Variants in ZDHHC5 observed in about 807,000 individuals in gnomAD.
ZDHHC5 encodes the protein palmitoyltransferase ZDHHC5.
Under a neutral mutation model 70.0 loss-of-function variants are expected in ZDHHC5, and 22 were observed. That is an observed-to-expected ratio of 0.31 (90% CI 0.22 to 0.45). ZDHHC5 has a LOEUF of 0.45. Ranked by LOEUF, ZDHHC5 falls within the 20% of genes least tolerant of loss-of-function variation. The pLI, the probability that ZDHHC5 is intolerant of heterozygous loss-of-function variation, is 1.00. For missense variants in ZDHHC5, 746 were observed against 926.9 expected, an observed-to-expected ratio of 0.80 and a Z score of 2.53; for synonymous variants, 313 against 347.8, an observed-to-expected ratio of 0.90 and a Z score of 1.11.
chr11:57,671,342 G>A (rs1253612662), intron 1 of ZDHHC5, among the ~76,000 whole-genome samples: 3 of 152,200 alleles, frequency 2.0e-5, no homozygotes, highest in Non-Finnish European at 1.5e-5. Flanking sequence ...ATTGGGGCAG[G>A]TGGGGCTCAG....
rs552087114 is a variant in ZDHHC5 at position 57,687,049 on chromosome 11, T to C, written c.227-1459T>C. On this transcript the variant is annotated intron_variant, in intron 3 of 11. Transcript: ENST00000287169. ...TTTCGCCATTTTGGCCAGGCTGGTC[T>C]TGAACTCCTGGCCTCAAGTCATCTG... Among the ~76,000 whole-genome samples, 18 of 152,224 alleles carry C rather than the reference T, an allele frequency of 1.2e-4. No homozygotes were observed. The East Asian group carries it at 2.9e-3, about 25-fold the overall frequency.
At position 57,669,580 on chromosome 11, in the gene ZDHHC5, C is replaced by G. The variant is rs549258009; in HGVS notation, c.-1071+1393C>G. On this transcript the variant is annotated intron_variant, in intron 1 of 11. Coordinates refer to ENST00000287169, the MANE Select transcript of ZDHHC5 (RefSeq NM_015457.3). ...CAAGCGATTCTCGTGTCTCAGCCTC[C>G]CTAGTAGCTGGGATTTCAGGCATGC... is the stretch of plus-strand genomic sequence containing the variant. Among the ~76,000 whole-genome samples the G allele has an allele frequency of 5.3e-5, 8 of 152,276 alleles. No individual in the cohort carries two copies. The East Asian group carries it at 1.5e-3, about 29-fold the overall frequency.
chr11:57,690,470 A>G, intron 6 of ZDHHC5, 33 bp downstream of exon 6: 1 of 1,609,100 alleles, frequency 6.2e-7, no homozygotes. Flanking sequence ...ACCCCTGAAG[A>G]GCAGGTCATG....
chr11:57,683,407 A>G lies in ZDHHC5; in HGVS notation c.226+864A>G, dbSNP rs142747946. ...TACAGATTTTTTAGTAGTAGACTCA[A>G]TAATTTTTCATGACTTTTCATGATT... is the stretch of plus-strand genomic sequence containing the variant. On this transcript the variant is annotated intron_variant, in intron 3 of 11. Coordinates refer to ENST00000287169, the MANE Select transcript of ZDHHC5 (RefSeq NM_015457.3). Among the ~76,000 whole-genome samples the G allele has an allele frequency of 2.0e-5, 3 of 152,364 alleles. 1 individual carries two copies. The East Asian group carries it at 5.8e-4, about 29-fold the overall frequency.
At position 57,696,886 on chromosome 11, in the gene ZDHHC5, C is replaced by CTAAG; in HGVS notation, c.1122+14_1122+17dup. ...CTCCAGCGCCAAGGTACTGAGTACT[C>CTAAG]TAAGAGGTGGGGTAATAACATGCCA... On this transcript the variant is annotated intron_variant, in intron 10 of 11. Coordinates refer to ENST00000287169, the MANE Select transcript of ZDHHC5 (RefSeq NM_015457.3). 6.2e-7 allele frequency: 1 copy of CTAAG among 1,612,604 alleles called. No individual in the cohort carries two copies. Among genetic ancestry groups the CTAAG allele is most frequent in the Non-Finnish European group, 8.5e-7 (1 of 1,179,192 alleles).
At position 57,699,746 on chromosome 11, in the gene ZDHHC5, G is replaced by T. The variant is rs1256687354; in HGVS notation, c.1983-120G>T. On this transcript the variant is annotated intron_variant, in intron 11 of 11. Coordinates refer to ENST00000287169, the MANE Select transcript of ZDHHC5 (RefSeq NM_015457.3). ...CAGGGCAATAAAGGGGAATGTTTGG[G>T]TAAGAAAGTATGGATATAGAAAAGA... 2.3e-6 allele frequency: 3 copies of T among 1,323,476 alleles called. No homozygotes were observed. The Admixed American group carries it at 5.9e-5, about 26-fold the overall frequency. 82.0% of individuals were successfully genotyped at this position (1,323,476 alleles called of 1,614,324 possible). A position where few individuals can be genotyped will look rare whatever the true frequency, so the allele number is the denominator to read the frequency against.
chr11:57,692,774 A>G, intron 7 of ZDHHC5, 72 bp downstream of exon 7: 2 of 1,525,044 alleles, frequency 1.3e-6, no homozygotes, highest in Non-Finnish European at 1.8e-6. Context: ...TGTTCTGGTA[A>G]AGGAGGGGTC....
intron 2 of ZDHHC5, 118 bp from the exon 3 acceptor site, chr11:57,682,304 G>T: frequency 7.3e-7 from 1 of 1,378,284 alleles, no homozygotes; most frequent in Non-Finnish European, 9.6e-7. Context: ...GGATGGCAAA[G>T]GTAAACCACA....
intron 10 of ZDHHC5, among the ~76,000 whole-genome samples, chr11:57,697,995 G>A (rs985847585): frequency 2.0e-5 from 3 of 151,844 alleles, no homozygotes; most frequent in African/African-American, 4.8e-5. Context: ...TTAGCTGGGC[G>A]TGGTGGCGGG....
chr11:57,676,834 A>C lies in ZDHHC5; in HGVS notation c.104+3640A>C, dbSNP rs191490963. Among the ~76,000 whole-genome samples, 1,321 of 150,624 alleles carry C rather than the reference A, an allele frequency of 8.8e-3. 28 individuals are homozygous for C. The highest frequency in any genetic ancestry group is 0.03 in the African/African-American group (1,217 of 40,994). On this transcript the variant is annotated intron_variant, in intron 2 of 11. Transcript: ENST00000287169. ...TTAAAGTCTCATCAAACTGTGAATT[A>C]GTCCAGTTAAGGTCTTATTTTATCC...
chr11:57,693,185 T>C (rs1946307586), intron 7 of ZDHHC5, among the ~76,000 whole-genome samples: 1 of 152,118 alleles, frequency 6.6e-6, no homozygotes, highest in Non-Finnish European at 1.5e-5. Flanking sequence ...CAGGCACCTG[T>C]AATCCCAGCT....
At chr11:57,670,795 T>C (rs1033624594) in intron 1 of ZDHHC5, among the ~76,000 whole-genome samples, 3 of 151,286 alleles carry the variant, frequency 2.0e-5, no homozygotes, top group Admixed American at 6.6e-5. Context: ...AGGGCACATT[T>C]ATATTTTGTT....
At chr11:57,687,614 G>A (rs963591436) in intron 3 of ZDHHC5, among the ~76,000 whole-genome samples, 2 of 151,994 alleles carry the variant, frequency 1.3e-5, no homozygotes, top group African/African-American at 4.8e-5. Flanking sequence ...GGCAAATAAT[G>A]TCTTTTAAGT....
At chr11:57,686,643 T>G (rs1946211207) in intron 3 of ZDHHC5, among the ~76,000 whole-genome samples, 1 of 151,988 alleles carries the variant, frequency 6.6e-6, no homozygotes, top group African/African-American at 2.4e-5. Flanking sequence ...ATTTAAAGAT[T>G]TCAATAAGTA....
intron 2 of ZDHHC5, among the ~76,000 whole-genome samples, chr11:57,681,874 T>C (rs1352877054): frequency 6.6e-6 from 1 of 152,196 alleles, no homozygotes; most frequent in Non-Finnish European, 1.5e-5. Context: ...AACTGGCCTG[T>C]AGTTGAGTAA....
chr11:57,699,828 C>T (rs1946416430), intron 11 of ZDHHC5, 38 bp from the exon 12 acceptor site: 6 of 1,613,192 alleles, frequency 3.7e-6, no homozygotes, highest in Non-Finnish European at 5.1e-6. Context: ...GTTTTCTGTC[C>T]CATTTCCTGA....
At chr11:57,689,379 ATATT>A (rs1156569350) in intron 4 of ZDHHC5, among the ~76,000 whole-genome samples, 1 of 151,126 alleles carries the variant, frequency 6.6e-6, no homozygotes. Flanking sequence ...ATATATATAT[ATATT>A]TATTTATTTA....
At chr11:57,674,853 G>T (rs1375244154) in intron 2 of ZDHHC5, among the ~76,000 whole-genome samples, 1 of 152,202 alleles carries the variant, frequency 6.6e-6, no homozygotes, top group Non-Finnish European at 1.5e-5. Flanking sequence ...CAGAGAAGTT[G>T]TAGATTTTTT....
rs1002522332 is a variant in ZDHHC5, at chr11:57,674,412, T to C, written c.104+1218T>C. Among the ~76,000 whole-genome samples the C allele has an allele frequency of 2.6e-5, 4 of 152,198 alleles. No homozygotes were observed. The East Asian group carries it at 7.7e-4, about 29-fold the overall frequency. On this transcript the variant is annotated intron_variant, in intron 2 of 11. Transcript: ENST00000287169. Reference sequence around the variant, plus strand: ...ACATGTACCAGGCTTCTGAGCCTTATACTGTTGAGTCATTGATTTAGTGCT... The same window carrying C: ...ACATGTACCAGGCTTCTGAGCCTTACACTGTTGAGTCATTGATTTAGTGCT...
Sources: allele counts gnomAD v4.1 joint callset (sites outside exome capture counted in the v4.1 genomes callset), GRCh38; gene constraint gnomAD v4.1.1; transcripts MANE v1.5; gene names NCBI Gene and HGNC (gene_info 2026-07-23, HGNC 2026-07-21).